The following XKR3 variants were observed in gnomAD, a reference collection of about 807,000 sequenced individuals.
XKR3 encodes the protein XK related 3.
A neutral mutation model predicts 40.3 loss-of-function variants in XKR3; 27 were observed. The observed-to-expected ratio is 0.67, with a 90% CI of 0.49 to 0.92. The LOEUF (loss-of-function observed/expected upper bound fraction) is 0.92. Among genes scored for constraint, XKR3 ranks in the 40% least tolerant of loss-of-function variants. The pLI is 0.00. For synonymous variants in XKR3, 193 were observed against 195.4 expected, an observed-to-expected ratio of 0.99 and a Z score of 0.10; for missense variants, 472 against 537.6, an observed-to-expected ratio of 0.88 and a Z score of 1.21.
At chr22:16,793,725 T>C (rs1261709014) in intron 3 of XKR3, among the ~76,000 whole-genome samples, 2 of 152,220 alleles carry the variant, frequency 1.3e-5, no homozygotes, top group African/African-American at 2.4e-5. Flanking sequence ...AAAGTCAGCA[T>C]GTCGTTTTGG....
chr22:16,799,430 A>AAAAAAAAAAAAAAAAAAAAAAAAAAAAAC (rs1366595128), intron 3 of XKR3, among the ~76,000 whole-genome samples: 1 of 147,172 alleles, frequency 6.8e-6, no homozygotes, highest in Non-Finnish European at 1.5e-5. Context: ...AAAAAAAAAA[A>AAAAAAAAAAAAAAAAAAAAAAAAAAAAAC]AAAAGCAATG....
chr22:16,812,950 G>A (rs1234274468), intron 1 of XKR3, among the ~76,000 whole-genome samples: 1 of 152,116 alleles, frequency 6.6e-6, no homozygotes, highest in Non-Finnish European at 1.5e-5. Flanking sequence ...TTTTGTTGTA[G>A]ATTATCTTCA....
At chr22:16,787,990 C>A (rs1291641528) in intron 3 of XKR3, among the ~76,000 whole-genome samples, 1 of 152,066 alleles carries the variant, frequency 6.6e-6, no homozygotes, top group Non-Finnish European at 1.5e-5. Context: ...GGCAAATGGA[C>A]AAAACAGTTA....
chr22:16,794,725 G>A (rs1406904716), intron 3 of XKR3, among the ~76,000 whole-genome samples: 2 of 152,176 alleles, frequency 1.3e-5, no homozygotes, highest in Non-Finnish European at 2.9e-5. Flanking sequence ...AACCTTGAAT[G>A]ACACACAGTG....
intron 1 of XKR3, among the ~76,000 whole-genome samples, chr22:16,819,522 T>A (rs2060247275): frequency 6.6e-6 from 1 of 152,058 alleles, no homozygotes; most frequent in South Asian, 2.1e-4. Context: ...AAAATAACCT[T>A]TTAACAAATT....
intron 3 of XKR3, among the ~76,000 whole-genome samples, chr22:16,798,992 A>G (rs1389470635): frequency 3.9e-5 from 6 of 152,234 alleles, no homozygotes; most frequent in Admixed American, 3.9e-4. Context: ...TATACTGTAC[A>G]TATACTCCCT....
intron 2 of XKR3, among the ~76,000 whole-genome samples, chr22:16,806,257 T>C (rs1383190005): frequency 1.2e-5 from 1 of 80,842 alleles, no homozygotes; most frequent in Admixed American, 1.2e-4. Context: ...TGATAGTTCA[T>C]CTCAAAAAAA....
chr22:16,810,726 C>T (rs1432728762), intron 1 of XKR3, among the ~76,000 whole-genome samples: 1 of 152,172 alleles, frequency 6.6e-6, no homozygotes, highest in Admixed American at 6.5e-5. Context: ...TCCCAGCCTC[C>T]CCCTTTCCTA....
At chr22:16,789,390 A>C (rs2060104399) in intron 3 of XKR3, among the ~76,000 whole-genome samples, 1 of 152,194 alleles carries the variant, frequency 6.6e-6, no homozygotes, top group African/African-American at 2.4e-5. Flanking sequence ...AAAAAACCTC[A>C]AGAAAATAAT....
intron 1 of XKR3, among the ~76,000 whole-genome samples, chr22:16,824,869 A>G (rs529207583): frequency 6.6e-6 from 1 of 152,296 alleles, no homozygotes; most frequent in South Asian, 2.1e-4. Context: ...TCTAAAATTC[A>G]AGGTAGAAAG....
At chr22:16,808,946 A>C (rs2060201990) in intron 1 of XKR3, among the ~76,000 whole-genome samples, 1 of 152,220 alleles carries the variant, frequency 6.6e-6, no homozygotes, top group Non-Finnish European at 1.5e-5. Context: ...AGCACAAAAA[A>C]TGAGTAAGCA....
chr22:16,806,476 T>G (rs1004581411), intron 2 of XKR3, among the ~76,000 whole-genome samples: 10 of 150,510 alleles, frequency 6.6e-5, no homozygotes, highest in Non-Finnish European at 1.5e-4. Context: ...AAGGTTTTTT[T>G]TTTTTTTTTT....
Position 16,800,032 on chromosome 22 carries a change from C to T in XKR3, c.336-8G>A. The T allele has an allele frequency of 6.2e-7, 1 of 1,609,970 alleles. No individual in the cohort carries two copies. The highest frequency in any genetic ancestry group is 1.3e-5 in the African/African-American group (1 of 74,830). ...CTAATGGTGTGCAAACACCTGTTAA[C>T]ATGAAGTAACATCCAAGATTAACAT... On this transcript the variant is annotated splice_polypyrimidine_tract_variant and splice_region_variant and intron_variant, in intron 2 of 3. Coordinates refer to ENST00000684488, the MANE Select transcript of XKR3 (RefSeq NM_001386955.1).
At chr22:16,797,692 G>C (rs1256995464) in intron 3 of XKR3, among the ~76,000 whole-genome samples, 3 of 151,230 alleles carry the variant, frequency 2.0e-5, no homozygotes, top group African/African-American at 4.9e-5. Flanking sequence ...GCTTGGGAGG[G>C]TGAGGCAGAA....
chr22:16,817,949 T>C (rs1296229064), intron 1 of XKR3, among the ~76,000 whole-genome samples: 1 of 152,122 alleles, frequency 6.6e-6, no homozygotes, highest in East Asian at 1.9e-4. Context: ...ATATTTTTGA[T>C]AATATTTTCT....
chr22:16,805,050 A>G (rs375324299), intron 2 of XKR3, among the ~76,000 whole-genome samples: 2 of 152,340 alleles, frequency 1.3e-5, no homozygotes, highest in Admixed American at 6.5e-5. Flanking sequence ...CTCATTTTCA[A>G]TATAGTACTA....
intron 3 of XKR3, among the ~76,000 whole-genome samples, chr22:16,797,416 C>T (rs1310746253): frequency 3.3e-5 from 5 of 152,138 alleles, no homozygotes; most frequent in South Asian, 4.1e-4. Flanking sequence ...TATTTGCAAA[C>T]GATGCATCCA....
chr22:16,804,967 G>C (rs913779809), intron 2 of XKR3, among the ~76,000 whole-genome samples: 1 of 152,100 alleles, frequency 6.6e-6, no homozygotes, highest in African/African-American at 2.4e-5. Flanking sequence ...ATATTTTACA[G>C]AGTTTAACTC....
intron 1 of XKR3, among the ~76,000 whole-genome samples, chr22:16,817,316 G>T (rs2060237854): frequency 1.3e-5 from 2 of 149,526 alleles, no homozygotes; most frequent in African/African-American, 4.9e-5. Flanking sequence ...CCCTTAGTGT[G>T]TCTTTTTTGG....
Sources: allele counts gnomAD v4.1 joint callset (sites outside exome capture counted in the v4.1 genomes callset), GRCh38; gene constraint gnomAD v4.1.1; transcripts MANE v1.5; gene names NCBI Gene and HGNC (gene_info 2026-07-23, HGNC 2026-07-21).